The following PDGFD variants were observed in gnomAD, a reference collection of about 807,000 sequenced individuals.
PDGFD encodes the protein platelet-derived growth factor D.
Under a neutral mutation model 44.7 loss-of-function variants are expected in PDGFD, and 30 were observed. The ratio of observed to expected loss-of-function variants is 0.67; its 90% confidence interval spans 0.50 to 0.91. PDGFD has a LOEUF of 0.91. Among genes scored for constraint, PDGFD ranks in the 40% least tolerant of loss-of-function variants. PDGFD has a pLI of 0.00. For missense variants in PDGFD, 445 were observed against 457.8 expected (o/e 0.97, Z 0.25); for synonymous variants, 173 against 168.4 (o/e 1.03, Z -0.21).
intron 5 of PDGFD, among the ~76,000 whole-genome samples, chr11:103,928,002 C>T (rs1057513487): frequency 6.6e-6 from 1 of 152,168 alleles, no homozygotes; most frequent in African/African-American, 2.4e-5. Context: ...AAATATACTA[C>T]GTCTTTCTCC....
chr11:103,978,999 CAG>C lies in PDGFD; in HGVS notation c.510+17064_510+17065del, dbSNP rs904174244. On this transcript the variant is annotated intron_variant, in intron 3 of 6. Transcript: ENST00000393158. ...ACAAGGCAGCACATCAGAATCAGCTCAGGAGCTTTATAAATGGAGCTTTGCAG... is the reference window on the plus strand; with the variant it reads ...ACAAGGCAGCACATCAGAATCAGCTCGAGCTTTATAAATGGAGCTTTGCAG... 3.9e-4 allele frequency among the ~76,000 whole-genome samples: 60 copies of C among 152,152 alleles called. 1 individual carries two copies. Among genetic ancestry groups the C allele is most frequent in the African/African-American group, 1.3e-3 (56 of 41,540 alleles).
At chr11:104,020,962 A>G (rs1859941084) in intron 1 of PDGFD, among the ~76,000 whole-genome samples, 1 of 152,198 alleles carries the variant, frequency 6.6e-6, no homozygotes, top group African/African-American at 2.4e-5. Context: ...TGTATGAAGA[A>G]TACCTTGGGC....
chr11:104,102,593 A>T (rs1034295007), intron 1 of PDGFD, among the ~76,000 whole-genome samples: 18 of 152,208 alleles, frequency 1.2e-4, no homozygotes, highest in Non-Finnish European at 2.4e-4. Flanking sequence ...TACTCAAAGG[A>T]TTATAAATCA....
intron 3 of PDGFD, among the ~76,000 whole-genome samples, chr11:103,979,421 C>CA (rs1454036977): frequency 1.3e-5 from 2 of 152,152 alleles, no homozygotes; most frequent in African/African-American, 4.8e-5. Context: ...TCCCATCCTA[C>CA]AAACCCTCAG....
intron 1 of PDGFD, among the ~76,000 whole-genome samples, chr11:104,124,707 T>C (rs1861818924): frequency 6.6e-6 from 1 of 152,118 alleles, no homozygotes; most frequent in South Asian, 2.1e-4. Flanking sequence ...TTGCCTCTAG[T>C]CTAAACCCTA....
intron 5 of PDGFD, among the ~76,000 whole-genome samples, chr11:103,937,389 T>G (rs1373399856): frequency 3.9e-5 from 6 of 152,158 alleles, no homozygotes; most frequent in African/African-American, 7.2e-5. Context: ...AGAACAGATC[T>G]TACTTATATT....
intron 1 of PDGFD, among the ~76,000 whole-genome samples, chr11:104,016,620 G>A (rs1215824896): frequency 2.0e-5 from 3 of 152,194 alleles, no homozygotes; most frequent in Admixed American, 2.0e-4. Context: ...ACAATGAGCA[G>A]TAATTAGCAA....
chr11:104,156,115 C>T (rs1315178034), intron 1 of PDGFD, among the ~76,000 whole-genome samples: 1 of 152,086 alleles, frequency 6.6e-6, no homozygotes, highest in African/African-American at 2.4e-5. Context: ...TTGATTTAGT[C>T]AACACTGTAT....
rs768993383 is a variant in PDGFD at position 104,163,970 on chromosome 11, C to T, written c.-43G>A. ...AGACAGCGTCGCTCCAAGAAAAAGCCGGGTTCTGCTCCCGGGACCGACGCC... is the reference window on the plus strand; with the variant it reads ...AGACAGCGTCGCTCCAAGAAAAAGCTGGGTTCTGCTCCCGGGACCGACGCC... On this transcript the variant is annotated 5_prime_UTR_variant, in exon 1 of 7. Transcript: ENST00000393158. 2 of 1,494,082 alleles carry T rather than the reference C, an allele frequency of 1.3e-6. No homozygotes were observed. Among genetic ancestry groups the T allele is most frequent in the Non-Finnish European group, 1.8e-6 (2 of 1,106,170 alleles). The allele number at this position is 1,494,082 out of a possible 1,614,324, so 92.6% of individuals were successfully genotyped here.
chr11:103,967,197 C>T (rs771626623), intron 3 of PDGFD, among the ~76,000 whole-genome samples: 8 of 152,106 alleles, frequency 5.3e-5, no homozygotes, highest in Non-Finnish European at 5.9e-5. Flanking sequence ...TCAGGCCACT[C>T]AACTATTATT....
intron 1 of PDGFD, among the ~76,000 whole-genome samples, chr11:104,102,117 A>G (rs1008559634): frequency 1.3e-5 from 2 of 152,224 alleles, no homozygotes; most frequent in Non-Finnish European, 2.9e-5. Flanking sequence ...CGGCAAAAGA[A>G]ACTACCATAA....
chr11:104,058,170 A>C (rs1860652290), intron 1 of PDGFD, among the ~76,000 whole-genome samples: 1 of 152,240 alleles, frequency 6.6e-6, no homozygotes, highest in Non-Finnish European at 1.5e-5. Flanking sequence ...CTTCATTAAA[A>C]TTAAAAACTC....
chr11:104,115,326 G>C (rs927448560), intron 1 of PDGFD, among the ~76,000 whole-genome samples: 1 of 148,420 alleles, frequency 6.7e-6, no homozygotes, highest in Non-Finnish European at 1.5e-5. Flanking sequence ...ACTATATATA[G>C]TCATATATGT....
At position 104,125,225 on chromosome 11, in the gene PDGFD, A is replaced by G. The variant is rs184519872; in HGVS notation, c.124+38579T>C. 2.7e-4 allele frequency among the ~76,000 whole-genome samples: 41 copies of G among 152,290 alleles called. No homozygotes were observed. In the East Asian group the frequency reaches 7.5e-3, roughly 28 times the overall value. On this transcript the variant is annotated intron_variant, in intron 1 of 6. Transcript: ENST00000393158. ...GCATGGCTCAGAGGTCAAGCAGCAC[A>G]TGCTCTGGAGTCTGAATTTCCTGCT...
chr11:104,027,328 T>C (rs1442624834), intron 1 of PDGFD, among the ~76,000 whole-genome samples: 1 of 152,210 alleles, frequency 6.6e-6, no homozygotes, highest in Non-Finnish European at 1.5e-5. Flanking sequence ...TTAATCTACA[T>C]GTGTTATTTA....
At chr11:103,927,743 T>C (rs1035884213) in intron 5 of PDGFD, among the ~76,000 whole-genome samples, 1 of 152,222 alleles carries the variant, frequency 6.6e-6, no homozygotes, top group Non-Finnish European at 1.5e-5. Context: ...TATAGCATAG[T>C]GGTTAAGTGC....
chr11:103,945,409 T>C (rs1023856714), intron 4 of PDGFD: 2 of 152,208 alleles, frequency 1.3e-5, no homozygotes, highest in Non-Finnish European at 2.9e-5. Context: ...AATTCAGGAC[T>C]ATAATTCCAA....
At chr11:103,957,396 C>T (rs937537547) in intron 3 of PDGFD, among the ~76,000 whole-genome samples, 11 of 152,086 alleles carry the variant, frequency 7.2e-5, no homozygotes, top group Non-Finnish European at 1.6e-4. Context: ...CAAAAAAGAG[C>T]CCGCATCGCC....
At chr11:103,971,723 T>C (rs1859105592) in intron 3 of PDGFD, among the ~76,000 whole-genome samples, 1 of 152,242 alleles carries the variant, frequency 6.6e-6, no homozygotes, top group South Asian at 2.1e-4. Context: ...ATCTCACGTA[T>C]AAGATCCATT....
Sources: gnomAD v4.1 joint callset for allele counts (sites outside exome capture counted in the v4.1 genomes callset) on GRCh38, gnomAD v4.1.1 for gene constraint, MANE v1.5 for transcripts, NCBI Gene and HGNC (gene_info 2026-07-23, HGNC 2026-07-21) for gene names.